Variants in SAMM50 observed in about 807,000 individuals in gnomAD.
SAMM50 encodes sorting and assembly machinery component 50 homolog.
SAMM50 carries 47 observed loss-of-function variants against 66.9 expected under a neutral mutation model. That is an observed-to-expected ratio of 0.70 (90% CI 0.56 to 0.90). The LOEUF is 0.90. Ranked by LOEUF, SAMM50 falls within the 40% of genes least tolerant of loss-of-function variation. The pLI is 0.00. For synonymous variants in SAMM50, 191 were observed against 214.1 expected, an observed-to-expected ratio of 0.89 and a Z score of 0.94; for missense variants, 535 against 595.3, an observed-to-expected ratio of 0.90 and a Z score of 1.05.
At chr22:43,964,153 A>C (rs962760496) in intron 2 of SAMM50, among the ~76,000 whole-genome samples, 3 of 152,144 alleles carry the variant, frequency 2.0e-5, no homozygotes, top group Non-Finnish European at 4.4e-5. Context: ...GCATGTTAGG[A>C]AGGACAGAGG....
At chr22:43,976,988 G>T (rs2146817790) in intron 9 of SAMM50, among the ~76,000 whole-genome samples, 167 bp downstream of exon 9, 1 of 152,306 alleles carries the variant, frequency 6.6e-6, no homozygotes, top group South Asian at 2.1e-4. Flanking sequence ...AGGGCTTCCA[G>T]CCCGGAAATT....
At chr22:43,971,450 G>A (rs2050203187) in intron 4 of SAMM50, among the ~76,000 whole-genome samples, 1 of 152,152 alleles carries the variant, frequency 6.6e-6, no homozygotes, top group South Asian at 2.1e-4. Context: ...ACCTGGTGCG[G>A]GGGAGGACAG....
At chr22:43,985,172 G>A (rs1271044423) in intron 12 of SAMM50, among the ~76,000 whole-genome samples, 2 of 151,976 alleles carry the variant, frequency 1.3e-5, no homozygotes, top group Non-Finnish European at 2.9e-5. Context: ...GTGTTAGGAT[G>A]CTTCATTGGT....
chr22:43,974,430 GCTC>G (rs1212371240), intron 7 of SAMM50, among the ~76,000 whole-genome samples: 3 of 152,244 alleles, frequency 2.0e-5, no homozygotes, highest in Non-Finnish European at 4.4e-5. Context: ...GCGTGGTAAA[GCTC>G]CTGATGCGGC....
chr22:43,996,506 T>C lies in SAMM50; in HGVS notation c.*123T>C. On this transcript the variant is annotated 3_prime_UTR_variant, in exon 15 of 15. Coordinates refer to ENST00000350028, the MANE Select transcript of SAMM50 (RefSeq NM_015380.5). ...ACTGCGGACCCTGTGGGAAACCCCG[T>C]CAATAAATGTTAAAGACACACTCCG... The C allele has an allele frequency of 1.1e-6, 1 of 934,778 alleles. No individual in the cohort carries two copies. The highest frequency in any genetic ancestry group is 1.3e-5 in the South Asian group (1 of 76,354). The allele number at this position is 934,778 out of a possible 1,614,324, so 57.9% of individuals were successfully genotyped here. A position where few individuals can be genotyped will look rare whatever the true frequency, so the allele number is the denominator to read the frequency against.
intron 13 of SAMM50, 28 bp from the exon 14 acceptor site, chr22:43,990,237 T>C: frequency 6.2e-7 from 1 of 1,614,098 alleles, no homozygotes. Flanking sequence ...GGGCACGCAC[T>C]GTTGCTCACA....
rs937776892 is a variant in SAMM50, at chr22:43,979,799, T to C, written c.937-1592T>C. Among the ~76,000 whole-genome samples the C allele has an allele frequency of 4.6e-5, 7 of 152,116 alleles. No individual in the cohort carries two copies. The South Asian group carries it at 1.5e-3, about 32-fold the overall frequency. ...CTGTGCCTGTCTCATGCTTCGGCTC[T>C]GTGGAAATACTTTTTGTTTCCCAGA... On this transcript the variant is annotated intron_variant, in intron 10 of 14. Coordinates refer to ENST00000350028, the MANE Select transcript of SAMM50 (RefSeq NM_015380.5).
chr22:43,965,202 A>AG (rs386395557), intron 3 of SAMM50, among the ~76,000 whole-genome samples: 7 of 150,182 alleles, frequency 4.7e-5, no homozygotes, highest in Non-Finnish European at 5.9e-5. Flanking sequence ...AAAAAAAAAA[A>AG]GAATCTTTTT....
At chr22:43,969,685 A>G (rs777216326) in intron 4 of SAMM50, among the ~76,000 whole-genome samples, 12 of 152,180 alleles carry the variant, frequency 7.9e-5, no homozygotes, top group Admixed American at 1.3e-4. Context: ...TATGGGGAGA[A>G]GGGCTGGTAG....
In SAMM50 at chr22:43,968,771, G is replaced by A. The variant is rs147060461; in HGVS notation, c.275G>A (p.Arg92His). ...CATGAAGCCCGTGAAAAATTGCTCC[G>A]TCTTGGAATTTTTAGACAAGTGGAT... is the stretch of plus-strand genomic sequence containing the variant. ...KSHEAREKLL[R>H]LGIFRQVDVL... The change falls in exon 4 of 15, where the codon CGT becomes CAT. Residue 92 changes from arginine (R) to histidine (H), a missense_variant. Physicochemically the swap from Arg to His is conservative, Grantham distance 29. Coordinates refer to ENST00000350028, the MANE Select transcript of SAMM50 (RefSeq NM_015380.5). The A allele has an allele frequency of 5.7e-4, 920 of 1,613,488 alleles. 4 individuals carry two copies. The African/African-American group carries it at 0.011, about 19-fold the overall frequency.
chr22:43,976,570 TCA>T (rs2050233490), intron 8 of SAMM50, among the ~76,000 whole-genome samples, 178 bp from the exon 9 acceptor site: 1 of 152,224 alleles, frequency 6.6e-6, no homozygotes, highest in African/African-American at 2.4e-5. Flanking sequence ...TGTGGACGTC[TCA>T]GTGTCCTCCT....
intron 12 of SAMM50, 98 bp from the exon 13 acceptor site, chr22:43,989,013 T>C: frequency 7.9e-7 from 1 of 1,265,854 alleles, no homozygotes; most frequent in East Asian, 2.3e-5. Context: ...GTGGCGTTGT[T>C]TACAGGACAG....
rs4991978 is a variant in SAMM50, at chr22:43,986,047, T to C, written c.1075+2047T>C. On this transcript the variant is annotated intron_variant, in intron 12 of 14. Coordinates refer to ENST00000350028, the MANE Select transcript of SAMM50 (RefSeq NM_015380.5). ...TTATTTATTTTTTCTTTCTTTCTTT[T>C]TTTTTTTTTTTTTGAGATGGAGTCT... Among the ~76,000 whole-genome samples, 187 of 55,042 alleles carry C rather than the reference T, an allele frequency of 3.4e-3. 2 individuals are homozygous for C. Among genetic ancestry groups the C allele is most frequent in the African/African-American group, 8.7e-3 (61 of 6,998 alleles). 36.1% of individuals were successfully genotyped at this position (55,042 alleles called of 152,430 possible). A position where few individuals can be genotyped will look rare whatever the true frequency, so the allele number is the denominator to read the frequency against.
chr22:43,972,833 A>C, intron 5 of SAMM50, 38 bp from the exon 6 acceptor site: 1 of 1,570,344 alleles, frequency 6.4e-7, no homozygotes, highest in East Asian at 2.2e-5. Flanking sequence ...CATTCCTTCA[A>C]TGTAGACCAC....
intron 1 of SAMM50, among the ~76,000 whole-genome samples, chr22:43,960,779 G>A (rs2050143925): frequency 6.6e-6 from 1 of 152,162 alleles, no homozygotes; most frequent in African/African-American, 2.4e-5. Flanking sequence ...CAGACTTCAA[G>A]TATCAAGAGG....
At chr22:43,985,870 G>A (rs1047777405) in intron 12 of SAMM50, among the ~76,000 whole-genome samples, 2 of 151,690 alleles carry the variant, frequency 1.3e-5, no homozygotes, top group East Asian at 1.9e-4. Context: ...TAATGGCTGC[G>A]TGTTTTGTCT....
intron 3 of SAMM50, among the ~76,000 whole-genome samples, chr22:43,967,000 C>T (rs1329407393): frequency 2.6e-5 from 4 of 152,190 alleles, no homozygotes; most frequent in Non-Finnish European, 5.9e-5. Flanking sequence ...GTGTCTGTCC[C>T]TCTTCTTGCG....
intron 14 of SAMM50, among the ~76,000 whole-genome samples, chr22:43,994,237 C>T (rs760324245): frequency 4.6e-5 from 7 of 152,138 alleles, no homozygotes; most frequent in Admixed American, 1.3e-4. Flanking sequence ...CGGCGGGCAC[C>T]GGGCAGAACC....
intron 1 of SAMM50, among the ~76,000 whole-genome samples, chr22:43,958,453 A>G (rs187134970): frequency 6.6e-6 from 1 of 150,944 alleles, no homozygotes; most frequent in East Asian, 2.0e-4. Context: ...TACAGGGAAA[A>G]AAGTATCTGC....
Sources: allele counts gnomAD v4.1 joint callset (sites outside exome capture counted in the v4.1 genomes callset), GRCh38; gene constraint gnomAD v4.1.1; transcripts MANE v1.5; gene names NCBI Gene and HGNC (gene_info 2026-07-23, HGNC 2026-07-21).